Variants in COMMD10 observed in about 807,000 individuals in gnomAD.
COMMD10 encodes the protein COMM domain containing 10, also known as COMM domain-containing protein 10.
In COMMD10, 33 loss-of-function variants were observed where a neutral mutation model predicts 28.9. The observed-to-expected ratio is 1.14, with a 90% CI of 0.87 to 1.53. The LOEUF is 1.53. Ranked by LOEUF, COMMD10 falls within the 40% of genes most tolerant of loss-of-function variation. COMMD10 has a pLI of 0.00. For missense variants in COMMD10, 310 were observed against 233.4 expected (o/e 1.33, Z -2.14); for synonymous variants, 110 against 81.7 (o/e 1.35, Z -1.87).
At chr5:116,260,647 T>A (rs921029188) in intron 5 of COMMD10, among the ~76,000 whole-genome samples, 1 of 151,982 alleles carries the variant, frequency 6.6e-6, no homozygotes, top group African/African-American at 2.4e-5. Context: ...GTAATGGTCA[T>A]GCAAAGCAGT....
intron 5 of COMMD10, among the ~76,000 whole-genome samples, chr5:116,198,419 A>G (rs1046527294): frequency 6.6e-6 from 1 of 152,200 alleles, no homozygotes; most frequent in Non-Finnish European, 1.5e-5. Flanking sequence ...AGGAAGGTAT[A>G]GAGATCCCCC....
chr5:116,282,743 C>G (rs188968310), intron 5 of COMMD10, among the ~76,000 whole-genome samples: 2 of 151,946 alleles, frequency 1.3e-5, no homozygotes, highest in Admixed American at 6.5e-5. Flanking sequence ...TATCTGTATC[C>G]TTGTCTCTTA....
chr5:116,239,056 T>G (rs1749748910), intron 5 of COMMD10, among the ~76,000 whole-genome samples: 1 of 152,210 alleles, frequency 6.6e-6, no homozygotes, highest in Admixed American at 6.5e-5. Context: ...AAGAGCTCGA[T>G]GAAGTTCTTA....
chr5:116,272,083 A>G (rs1240786300), intron 5 of COMMD10, among the ~76,000 whole-genome samples: 1 of 151,882 alleles, frequency 6.6e-6, no homozygotes, highest in African/African-American at 2.4e-5. Context: ...AAAATAAAAG[A>G]TGCAAATTTT....
intron 5 of COMMD10, among the ~76,000 whole-genome samples, chr5:116,257,263 G>A (rs1014721337): frequency 6.6e-6 from 1 of 151,478 alleles, no homozygotes; most frequent in Non-Finnish European, 1.5e-5. Context: ...TCAGATGTTG[G>A]AGCATTTCAG....
intron 5 of COMMD10, among the ~76,000 whole-genome samples, chr5:116,225,586 G>A (rs1338814268): frequency 2.0e-5 from 3 of 151,900 alleles, no homozygotes; most frequent in African/African-American, 4.8e-5. Context: ...GGTCCCCCTT[G>A]TATATGCACA....
At chr5:116,213,445 A>C (rs1749019353) in intron 5 of COMMD10, among the ~76,000 whole-genome samples, 1 of 152,102 alleles carries the variant, frequency 6.6e-6, no homozygotes, top group African/African-American at 2.4e-5. Flanking sequence ...AATATTAAGG[A>C]TCTGTGTAAA....
At chr5:116,190,496 C>A (rs1748329499) in intron 5 of COMMD10, among the ~76,000 whole-genome samples, 1 of 152,128 alleles carries the variant, frequency 6.6e-6, no homozygotes, top group South Asian at 2.1e-4. Context: ...ATTTTAAAAA[C>A]TATTTCTAAT....
intron 4 of COMMD10, among the ~76,000 whole-genome samples, chr5:116,132,642 T>C (rs1561621361): frequency 6.6e-6 from 1 of 152,126 alleles, no homozygotes; most frequent in Non-Finnish European, 1.5e-5. Context: ...TAGAAAGTGC[T>C]TTTCAATTAA....
intron 5 of COMMD10, among the ~76,000 whole-genome samples, chr5:116,194,133 A>G (rs1748443902): frequency 6.6e-6 from 1 of 152,142 alleles, no homozygotes; most frequent in Non-Finnish European, 1.5e-5. Flanking sequence ...CAATAATGAC[A>G]CAACCTACCA....
At chr5:116,281,379 C>T (rs1261852465) in intron 5 of COMMD10, among the ~76,000 whole-genome samples, 2 of 151,572 alleles carry the variant, frequency 1.3e-5, no homozygotes, top group Non-Finnish European at 2.9e-5. Flanking sequence ...GATAGGATTA[C>T]AAATTAAAAA....
chr5:116,095,205 A>G (rs1446868280), intron 4 of COMMD10, among the ~76,000 whole-genome samples: 1 of 152,216 alleles, frequency 6.6e-6, no homozygotes, highest in Non-Finnish European at 1.5e-5. Flanking sequence ...CAAATGATAA[A>G]TGCTCAGGGT....
At chr5:116,200,810 CT>C (rs1281232584) in intron 5 of COMMD10, among the ~76,000 whole-genome samples, 1 of 152,004 alleles carries the variant, frequency 6.6e-6, no homozygotes, top group African/African-American at 2.4e-5. Flanking sequence ...TTGCTGTCTT[CT>C]TATCCCTTAG....
chr5:116,259,507 T>C (rs1172717283), intron 5 of COMMD10, among the ~76,000 whole-genome samples: 1 of 151,728 alleles, frequency 6.6e-6, no homozygotes, highest in Non-Finnish European at 1.5e-5. Flanking sequence ...GGTGACTTTC[T>C]TGCTAATTTT....
chr5:116,231,693 A>G (rs949347138), intron 5 of COMMD10, among the ~76,000 whole-genome samples: 17 of 152,178 alleles, frequency 1.1e-4, no homozygotes, highest in Admixed American at 2.6e-4. Flanking sequence ...GATAGCTAAA[A>G]TGCTTTTGCT....
At chr5:116,236,382 TA>T (rs2112659059) in intron 5 of COMMD10, among the ~76,000 whole-genome samples, 1 of 151,298 alleles carries the variant, frequency 6.6e-6, no homozygotes, top group Non-Finnish European at 1.5e-5. Flanking sequence ...CAGGCACCTG[TA>T]ATCCCAGCTA....
chr5:116,126,073 A>G (rs556667356), intron 4 of COMMD10, among the ~76,000 whole-genome samples: 1 of 152,370 alleles, frequency 6.6e-6, no homozygotes, highest in South Asian at 2.1e-4. Context: ...AAGCAACTTC[A>G]GCAAAGTCTT....
intron 5 of COMMD10, among the ~76,000 whole-genome samples, chr5:116,160,768 C>A (rs1752890653): frequency 6.6e-6 from 1 of 152,104 alleles, no homozygotes; most frequent in Non-Finnish European, 1.5e-5. Context: ...ATTAAGGCAA[C>A]ATGCATTCTC....
At chr5:116,122,536 A>T (rs1254504280) in intron 4 of COMMD10, among the ~76,000 whole-genome samples, 1 of 152,190 alleles carries the variant, frequency 6.6e-6, no homozygotes, top group African/African-American at 2.4e-5. Flanking sequence ...TGGTAGTTTG[A>T]TGGGGATGGC....
Sources: gnomAD v4.1 joint callset for allele counts (sites outside exome capture counted in the v4.1 genomes callset) on GRCh38, gnomAD v4.1.1 for gene constraint, MANE v1.5 for transcripts, NCBI Gene and HGNC (gene_info 2026-07-23, HGNC 2026-07-21) for gene names.